The following CFAP58 variants were observed in gnomAD, a reference collection of about 807,000 sequenced individuals.
CFAP58 encodes cilia and flagella associated protein 58.
CFAP58 carries 88 observed loss-of-function variants against 119.5 expected under a neutral mutation model. The observed-to-expected ratio is 0.74, with a 90% CI of 0.62 to 0.88. The LOEUF is 0.88. Ranked by LOEUF, CFAP58 falls within the 40% of genes least tolerant of loss-of-function variation. CFAP58 has a pLI of 0.00. For missense variants in CFAP58, 990 were observed against 1,021.2 expected (o/e 0.97, Z 0.42); for synonymous variants, 365 against 366.3 (o/e 1.00, Z 0.04).
chr10:104,376,950 C>A (rs1303279787), intron 8 of CFAP58, 57 bp downstream of exon 8: 4 of 1,347,852 alleles, frequency 3.0e-6, no homozygotes, highest in East Asian at 4.7e-5. Context: ...ACTGTAATAT[C>A]TGGCTATAGC....
chr10:104,434,975 T>C (rs1023812973), intron 15 of CFAP58, among the ~76,000 whole-genome samples: 1 of 152,256 alleles, frequency 6.6e-6, no homozygotes. Context: ...TACTGATTTA[T>C]AGACTTATTA....
chr10:104,436,670 C>G (rs1230668618), intron 15 of CFAP58, among the ~76,000 whole-genome samples: 4 of 152,158 alleles, frequency 2.6e-5, no homozygotes, highest in Non-Finnish European at 4.4e-5. Context: ...ACCCAAGCAC[C>G]TCCCACCAGG....
At chr10:104,396,779 C>T (rs537551559) in intron 11 of CFAP58, among the ~76,000 whole-genome samples, 10 of 152,292 alleles carry the variant, frequency 6.6e-5, no homozygotes, top group South Asian at 2.1e-4. Flanking sequence ...CCACCTAGGG[C>T]GTTGCTTGAT....
intron 15 of CFAP58, among the ~76,000 whole-genome samples, chr10:104,432,781 G>A (rs112271039): frequency 3.9e-4 from 60 of 152,292 alleles, no homozygotes; most frequent in African/African-American, 1.4e-3. Flanking sequence ...GATTACAGGC[G>A]TGAGCCACCG....
intron 15 of CFAP58, among the ~76,000 whole-genome samples, chr10:104,433,685 A>G (rs1405614565): frequency 6.6e-6 from 1 of 152,226 alleles, no homozygotes; most frequent in African/African-American, 2.4e-5. Flanking sequence ...TTAGGATTTC[A>G]TCACAAAGTT....
intron 9 of CFAP58, among the ~76,000 whole-genome samples, chr10:104,385,570 A>C (rs7911474): frequency 0.21 from 32,554 of 152,062 alleles, 3,785 homozygotes; most frequent in Non-Finnish European, 0.26. Context: ...TAATCTTAGC[A>C]CTTTGGGAGG....
intron 1 of CFAP58, among the ~76,000 whole-genome samples, chr10:104,356,443 A>C (rs1446007242): frequency 6.6e-6 from 1 of 152,182 alleles, no homozygotes; most frequent in East Asian, 1.9e-4. Context: ...TTAGCAAGAG[A>C]GTGTTGATGC....
chr10:104,411,006 C>T (rs2012451763), intron 15 of CFAP58, among the ~76,000 whole-genome samples: 1 of 152,100 alleles, frequency 6.6e-6, no homozygotes, highest in African/African-American at 2.4e-5. Flanking sequence ...GTGGTGCAAT[C>T]TTGGCGCACT....
intron 6 of CFAP58, among the ~76,000 whole-genome samples, chr10:104,368,857 T>C (rs1223425364): frequency 6.6e-6 from 1 of 152,218 alleles, no homozygotes; most frequent in African/African-American, 2.4e-5. Context: ...TGCTCAAATC[T>C]AGCAATCCAT....
chr10:104,447,143 A>C (rs1465764735), intron 15 of CFAP58, among the ~76,000 whole-genome samples: 1 of 151,402 alleles, frequency 6.6e-6, no homozygotes, highest in Non-Finnish European at 1.5e-5. Flanking sequence ...GCATGCACCA[A>C]AATGTCTGGC....
At chr10:104,359,145 C>T (rs1315026150) in intron 2 of CFAP58, among the ~76,000 whole-genome samples, 2 of 152,104 alleles carry the variant, frequency 1.3e-5, no homozygotes, top group African/African-American at 2.4e-5. Context: ...GGATGTATTG[C>T]TTTGTTTTAC....
intron 15 of CFAP58, among the ~76,000 whole-genome samples, chr10:104,440,386 ATC>A (rs2013018675): frequency 6.6e-6 from 1 of 152,132 alleles, no homozygotes; most frequent in African/African-American, 2.4e-5. Flanking sequence ...TGGGTCAGGA[ATC>A]CATTCCTGTG....
chr10:104,344,623 A>G, the CFAP58 span, among the ~76,000 whole-genome samples: 1 of 152,106 alleles, frequency 6.6e-6, no homozygotes, highest in Non-Finnish European at 1.5e-5. Flanking sequence ...TTTTATAGAA[A>G]AAGTTTGCAA....
intron 9 of CFAP58, chr10:104,382,500 C>A (rs2011831465): frequency 3.1e-6 from 1 of 326,332 alleles, no homozygotes; most frequent in East Asian, 5.4e-5. Context: ...TCTGTCACCT[C>A]TCCCTGGGGC....
intron 11 of CFAP58, among the ~76,000 whole-genome samples, chr10:104,394,640 G>A (rs2012115364): frequency 6.6e-6 from 1 of 152,124 alleles, no homozygotes; most frequent in Admixed American, 6.5e-5. Flanking sequence ...AAAAGTGCAT[G>A]TACAAAAAAG....
At chr10:104,410,720 G>T (rs2012446591) in intron 15 of CFAP58, among the ~76,000 whole-genome samples, 1 of 151,982 alleles carries the variant, frequency 6.6e-6, no homozygotes, top group African/African-American at 2.4e-5. Flanking sequence ...ATTTAGTTTT[G>T]CTTACTATGT....
upstream of CFAP58, among the ~76,000 whole-genome samples, chr10:104,349,465 C>T (rs916479675): frequency 6.6e-6 from 1 of 152,146 alleles, no homozygotes; most frequent in Non-Finnish European, 1.5e-5. Context: ...ACCAATTTTC[C>T]TCTTCTTGTA....
rs1463284140 is a variant in CFAP58 at position 104,373,626 on chromosome 10, G to C, written c.1090+2572G>C. ...CTATGATTGCACATACTGCACTCCA[G>C]CCTGGGTGACAGAGCAAGTCTCTTT... On this transcript the variant is annotated intron_variant, in intron 7 of 17. Transcript: ENST00000369704. 7.9e-5 allele frequency among the ~76,000 whole-genome samples: 12 copies of C among 152,280 alleles called. No homozygotes were observed. In the South Asian group the frequency reaches 1.4e-3, roughly 18 times the overall value.
chr10:104,429,096 G>C (rs191884475), intron 15 of CFAP58, among the ~76,000 whole-genome samples: 117 of 152,328 alleles, frequency 7.7e-4, no homozygotes, highest in African/African-American at 2.7e-3. Context: ...GCAGCACCGT[G>C]TGGCCAGGGA....
Sources: gnomAD v4.1 joint callset for allele counts (sites outside exome capture counted in the v4.1 genomes callset) on GRCh38, gnomAD v4.1.1 for gene constraint, MANE v1.5 for transcripts, NCBI Gene and HGNC (gene_info 2026-07-23, HGNC 2026-07-21) for gene names.